The following ZC3H3 variants were observed in gnomAD, a reference collection of about 807,000 sequenced individuals.
The protein encoded by ZC3H3 is zinc finger CCCH-type containing 3.
In ZC3H3, 36 loss-of-function variants were observed where a neutral mutation model predicts 77.3. That is an observed-to-expected ratio of 0.47 (90% CI 0.36 to 0.61). ZC3H3 has a LOEUF of 0.61. Among genes scored for constraint, ZC3H3 ranks in the 20% least tolerant of loss-of-function variants. ZC3H3 has a pLI of 0.00. For missense variants in ZC3H3, 1,331 were observed against 1,312.2 expected, an observed-to-expected ratio of 1.01 and a Z score of -0.22; for synonymous variants, 626 against 555.2, an observed-to-expected ratio of 1.13 and a Z score of -1.79.
chr8:143,538,706 C>T lies in ZC3H3; in HGVS notation c.661G>A (p.Glu221Lys), dbSNP rs777207996. The T allele has an allele frequency of 1.9e-6, 3 of 1,608,740 alleles. No individual in the cohort carries two copies. The highest frequency in any genetic ancestry group is 2.5e-6 in the Non-Finnish European group (3 of 1,179,870). ...SPREPRRTVS[E>K]SVIAVKASFP... The stretch of plus-strand genomic sequence containing the variant: ...CTCGCCTTGACGGCAATCACACTCT[C>T]ACTGACTGTCCGGCGGGGCTCCCGG... Residue 221 changes from glutamate (E) to lysine (K), a missense_variant, in exon 2 of 12, where the codon GAG becomes AAG. This residue lies in a region of ZC3H3 where 978 missense variants were observed against 915.5 expected (regional missense o/e 1.07). Coordinates refer to ENST00000262577, the MANE Select transcript of ZC3H3 (RefSeq NM_015117.3).
At chr8:143,471,473 C>T (rs1049224217) in intron 5 of ZC3H3, among the ~76,000 whole-genome samples, 20 of 152,226 alleles carry the variant, frequency 1.3e-4, no homozygotes, top group African/African-American at 4.3e-4. Flanking sequence ...TGGCTGGGGG[C>T]TTTGGGGACA....
At chr8:143,537,950 C>G (rs1405738782) in intron 2 of ZC3H3, 53 bp downstream of exon 2, 1 of 1,508,924 alleles carries the variant, frequency 6.6e-7, no homozygotes, top group East Asian at 2.3e-5. Flanking sequence ...GGGTGCCAAA[C>G]AAACCCTCCT....
At chr8:143,522,813 T>C (rs1472528350) in intron 3 of ZC3H3, among the ~76,000 whole-genome samples, 4 of 152,010 alleles carry the variant, frequency 2.6e-5, no homozygotes, top group African/African-American at 7.3e-5. Context: ...TAGTCCCAGA[T>C]ACTTGGGAGG....
At chr8:143,477,055 G>A (rs985598227) in intron 4 of ZC3H3, among the ~76,000 whole-genome samples, 1 of 152,174 alleles carries the variant, frequency 6.6e-6, no homozygotes, top group Non-Finnish European at 1.5e-5. Flanking sequence ...ACTGGGGATG[G>A]AGCAGCCCTT....
intron 4 of ZC3H3, among the ~76,000 whole-genome samples, chr8:143,487,558 C>G (rs374997622): frequency 6.7e-4 from 5 of 7,490 alleles, no homozygotes; most frequent in African/African-American, 1.4e-3. Context: ...ACGAAGCTCA[C>G]ACACAGAACA....
chr8:143,452,529 C>A (rs1352224198), intron 9 of ZC3H3, among the ~76,000 whole-genome samples: 2 of 152,112 alleles, frequency 1.3e-5, no homozygotes, highest in Admixed American at 1.3e-4. Flanking sequence ...ACAGACAGGG[C>A]GTCAGAATTA....
At chr8:143,529,707 T>G (rs113815059) in intron 3 of ZC3H3, among the ~76,000 whole-genome samples, 1,528 of 152,272 alleles carry the variant, frequency 0.01, 30 homozygotes, top group African/African-American at 0.035. Flanking sequence ...GAGCGCCGTG[T>G]GCCTGAGGGA....
chr8:143,488,818 C>A (rs1295243333), intron 4 of ZC3H3, among the ~76,000 whole-genome samples: 3 of 152,262 alleles, frequency 2.0e-5, no homozygotes, highest in African/African-American at 7.2e-5. Context: ...GGCGACTCCC[C>A]CTGAACACTT....
chr8:143,456,430 C>T (rs1820124277), intron 9 of ZC3H3, among the ~76,000 whole-genome samples: 1 of 151,786 alleles, frequency 6.6e-6, no homozygotes, highest in Non-Finnish European at 1.5e-5. Context: ...AAATATGACA[C>T]ATATATACAT....
At chr8:143,450,778 C>CG (rs140920798) in intron 9 of ZC3H3, among the ~76,000 whole-genome samples, 3 of 152,098 alleles carry the variant, frequency 2.0e-5, no homozygotes, top group Non-Finnish European at 4.4e-5. Flanking sequence ...TCCCCATGAT[C>CG]CAATCACCTC....
chr8:143,451,456 G>A (rs891989574), intron 9 of ZC3H3, among the ~76,000 whole-genome samples: 26 of 152,190 alleles, frequency 1.7e-4, no homozygotes, highest in Admixed American at 9.8e-4. Context: ...GCACCCATAC[G>A]TTGAAAACCT....
At chr8:143,483,524 A>T (rs1050929937) in intron 4 of ZC3H3, among the ~76,000 whole-genome samples, 25 of 152,134 alleles carry the variant, frequency 1.6e-4, no homozygotes, top group African/African-American at 5.8e-4. Flanking sequence ...GAGGGGCCCA[A>T]GCTGGGCCGG....
intron 3 of ZC3H3, among the ~76,000 whole-genome samples, chr8:143,512,422 G>A (rs374442399): frequency 5.3e-5 from 8 of 152,362 alleles, no homozygotes; most frequent in South Asian, 4.1e-4. Flanking sequence ...TCTGTGACCC[G>A]TTTCTGTGTC....
In ZC3H3 at chr8:143,462,656, T is replaced by C. The variant is rs1303620299; in HGVS notation, c.2307+3061A>G. Among the ~76,000 whole-genome samples, 1 of 152,174 alleles carries C rather than the reference T, an allele frequency of 6.6e-6. No individual in the cohort carries two copies. The highest frequency in any genetic ancestry group is 1.5e-5 in the Non-Finnish European group (1 of 68,030). ...GGCCTTCCCTCTCCCGACAGCTCCC[T>C]GCAGACAGGCACCAACCACACACAG... On this transcript the variant is annotated intron_variant, in intron 9 of 11. Transcript: ENST00000262577. The surrounding 1 kb of genome is among the most constrained non-coding windows in gnomAD (Gnocchi z 4.7).
intron 3 of ZC3H3, among the ~76,000 whole-genome samples, chr8:143,535,607 C>T (rs1258426910): frequency 6.6e-6 from 1 of 152,240 alleles, no homozygotes; most frequent in Admixed American, 6.5e-5. Context: ...CGCCTGGAGG[C>T]CGCTCCCCCA....
intron 11 of ZC3H3, among the ~76,000 whole-genome samples, chr8:143,439,545 C>T (rs1195544401): frequency 1.3e-5 from 2 of 152,308 alleles, no homozygotes; most frequent in East Asian, 1.9e-4. Flanking sequence ...AAATGCTCAT[C>T]GGGGGAGAGG....
rs1352668304 is a variant in ZC3H3, at chr8:143,530,831, C to A, written c.1561+5426G>T. On this transcript the variant is annotated intron_variant, in intron 3 of 11. Coordinates refer to ENST00000262577, the MANE Select transcript of ZC3H3 (RefSeq NM_015117.3). This position sits in a 1 kb window ranked among gnomAD's most constrained non-coding sequence, Gnocchi z 4.3. The stretch of plus-strand genomic sequence containing the variant: ...TCAGACTCCAAAAAGGTTTTCTTCT[C>A]TTCTGCCCAAATGCCCCCTCTAGCA... Among the ~76,000 whole-genome samples the A allele has an allele frequency of 6.6e-6, 1 of 152,144 alleles. No homozygotes were observed. The highest frequency in any genetic ancestry group is 2.4e-5 in the African/African-American group (1 of 41,416).
intron 4 of ZC3H3, among the ~76,000 whole-genome samples, chr8:143,491,967 C>T (rs1274245664): frequency 6.6e-6 from 1 of 152,206 alleles, no homozygotes; most frequent in East Asian, 1.9e-4. Context: ...GGCATGTTGC[C>T]TCCACCTGGT....
intron 4 of ZC3H3, among the ~76,000 whole-genome samples, chr8:143,496,415 C>T (rs979386769): frequency 5.3e-5 from 8 of 152,204 alleles, no homozygotes; most frequent in Non-Finnish European, 1.0e-4. Flanking sequence ...AACGTGATGA[C>T]GTGCCCAGGA....
Sources: allele counts gnomAD v4.1 joint callset (sites outside exome capture counted in the v4.1 genomes callset), GRCh38; gene constraint gnomAD v4.1.1; regional missense constraint gnomAD v4.1.1; non-coding constraint Gnocchi (gnomAD v3.1); transcripts MANE v1.5; gene names NCBI Gene and HGNC (gene_info 2026-07-23, HGNC 2026-07-21).